PAK2: variants seen among roughly 807,000 people sequenced by gnomAD.
PAK2 encodes p21 (RAC1) activated kinase 2.
A neutral mutation model predicts 65.9 loss-of-function variants in PAK2; 21 were observed. The ratio of observed to expected loss-of-function variants is 0.32; its 90% CI spans 0.23 to 0.46. The LOEUF (loss-of-function observed/expected upper bound fraction) is 0.46, where lower values mean the gene tolerates loss of function less well. Among genes scored for constraint, PAK2 ranks in the 20% least tolerant of loss-of-function variants. The pLI, the probability that PAK2 is intolerant of heterozygous loss-of-function variation, is 1.00. For synonymous variants in PAK2, 204 were observed against 219.7 expected (o/e 0.93, Z 0.63); for missense variants, 324 against 642.6 (o/e 0.50, Z 5.36).
chr3:196,741,001 G>A (rs1422039109), intron 1 of PAK2, among the ~76,000 whole-genome samples: 1 of 152,084 alleles, frequency 6.6e-6, no homozygotes, highest in African/African-American at 2.4e-5. Context: ...ACTCTCCCTG[G>A]GCAGTGTGAG....
At chr3:196,807,262 CAG>C (rs1715616629) in intron 6 of PAK2, among the ~76,000 whole-genome samples, 1 of 152,152 alleles carries the variant, frequency 6.6e-6, no homozygotes, top group Non-Finnish European at 1.5e-5. Flanking sequence ...GCTCCTGGCA[CAG>C]CGGGCAGGCA....
chr3:196,792,641 A>G (rs1019556649), intron 2 of PAK2, among the ~76,000 whole-genome samples: 1 of 152,318 alleles, frequency 6.6e-6, no homozygotes, highest in African/African-American at 2.4e-5. Context: ...AAAGAAGAGC[A>G]TACGGTAACA....
At chr3:196,795,356 G>T (rs761154117) in intron 2 of PAK2, among the ~76,000 whole-genome samples, 1 of 151,852 alleles carries the variant, frequency 6.6e-6, no homozygotes, top group Non-Finnish European at 1.5e-5. Flanking sequence ...GTACTCCCAG[G>T]ACTTGGTAGG....
At chr3:196,776,881 A>G (rs1714553667) in intron 1 of PAK2, among the ~76,000 whole-genome samples, 1 of 152,194 alleles carries the variant, frequency 6.6e-6, no homozygotes, top group South Asian at 2.1e-4. Flanking sequence ...GTGTAATACC[A>G]AAGAAGAAAA....
chr3:196,776,017 G>A lies in PAK2; in HGVS notation c.-21-6609G>A, dbSNP rs1714523065. Among the ~76,000 whole-genome samples the A allele has an allele frequency of 1.3e-5, 2 of 152,204 alleles. 1 individual carries two copies. The highest frequency in any genetic ancestry group is 1.3e-4 in the Admixed American group (2 of 15,278). ...ACATCAAAGCATTTGGGGTATGTAG[G>A]TGAAGGGTAAAGATGGAGTACGCTT... On this transcript the variant is annotated intron_variant, in intron 1 of 14. Coordinates refer to ENST00000327134, the MANE Select transcript of PAK2 (RefSeq NM_002577.4).
intron 1 of PAK2, among the ~76,000 whole-genome samples, chr3:196,758,330 T>TA (rs1713833761): frequency 1.3e-5 from 2 of 152,246 alleles, no homozygotes; most frequent in Admixed American, 1.3e-4. Flanking sequence ...ACATTTAAGC[T>TA]AGTACTTGAA....
At chr3:196,740,589 C>G (rs1026297024) in intron 1 of PAK2, among the ~76,000 whole-genome samples, 4 of 152,186 alleles carry the variant, frequency 2.6e-5, no homozygotes, top group Non-Finnish European at 5.9e-5. Context: ...TGCTCGCTCT[C>G]TGTTCACCCG....
At chr3:196,815,470 C>T (rs1331595572) in intron 11 of PAK2, among the ~76,000 whole-genome samples, 9 of 143,162 alleles carry the variant, frequency 6.3e-5, no homozygotes, top group South Asian at 2.2e-4. Context: ...CCATCCTGGG[C>T]AACAGAGCAA....
rs566024990 is a variant in PAK2, at chr3:196,790,311, G to T, written c.187+7478G>T. 3.9e-5 allele frequency among the ~76,000 whole-genome samples: 6 copies of T among 152,296 alleles called. No individual in the cohort carries two copies. In the South Asian group the frequency reaches 1.2e-3, roughly 32 times the overall value. On this transcript the variant is annotated intron_variant, in intron 2 of 14. Transcript: ENST00000327134. ...ACCTTTTGTCAACATGTGACTCAGG[G>T]TCTCTGCCTCTTGGCTGAAGGTTGC...
intron 1 of PAK2, among the ~76,000 whole-genome samples, chr3:196,756,051 G>A (rs1347191164): frequency 6.6e-6 from 1 of 152,114 alleles, no homozygotes; most frequent in Non-Finnish European, 1.5e-5. Flanking sequence ...ACCGCACCCG[G>A]CCCCTTCCAA....
intron 1 of PAK2, among the ~76,000 whole-genome samples, chr3:196,746,039 G>C (rs71323745): frequency 1.3e-5 from 2 of 151,158 alleles, no homozygotes; most frequent in Non-Finnish European, 1.5e-5. Flanking sequence ...GTATTAGCCA[G>C]GATGGTCTCG....
intron 1 of PAK2, among the ~76,000 whole-genome samples, chr3:196,752,816 T>C (rs957222477): frequency 6.6e-6 from 1 of 151,266 alleles, no homozygotes; most frequent in Non-Finnish European, 1.5e-5. Context: ...GGTCTCAAAC[T>C]CCTGGCCTCA....
At chr3:196,749,996 T>TTC in intron 1 of PAK2, among the ~76,000 whole-genome samples, 1 of 151,494 alleles carries the variant, frequency 6.6e-6, no homozygotes, top group Non-Finnish European at 1.5e-5. Context: ...TTTCTTTTTT[T>TTC]TTTTTTTGAA....
At chr3:196,780,521 A>G (rs1714673744) in intron 1 of PAK2, among the ~76,000 whole-genome samples, 1 of 152,210 alleles carries the variant, frequency 6.6e-6, no homozygotes, top group South Asian at 2.1e-4. Context: ...AGCACAGGAA[A>G]GACTTGCCCT....
intron 3 of PAK2, 83 bp downstream of exon 3, chr3:196,802,110 C>G (rs933223420): frequency 1.2e-6 from 1 of 812,908 alleles, no homozygotes; most frequent in Non-Finnish European, 2.1e-6. Context: ...TTGAAATTAA[C>G]ATTTCAGGCC....
intron 1 of PAK2, among the ~76,000 whole-genome samples, chr3:196,779,761 C>G (rs927504008): frequency 1.3e-5 from 2 of 152,218 alleles, no homozygotes; most frequent in Non-Finnish European, 2.9e-5. Flanking sequence ...ACCTCTGCCT[C>G]CCGGGCTCAA....
At chr3:196,776,780 A>G (rs1452080162) in intron 1 of PAK2, among the ~76,000 whole-genome samples, 4 of 152,236 alleles carry the variant, frequency 2.6e-5, no homozygotes, top group Non-Finnish European at 5.9e-5. Flanking sequence ...AAAATTCAAG[A>G]GAGTCAATTG....
In PAK2 at chr3:196,755,900, C is replaced by T. The variant is rs1387081953; in HGVS notation, c.-22+15743C>T. 3.3e-5 allele frequency among the ~76,000 whole-genome samples: 5 copies of T among 152,074 alleles called. 1 individual carries two copies. The East Asian group carries it at 5.8e-4, about 18-fold the overall frequency. On this transcript the variant is annotated intron_variant, in intron 1 of 14. Coordinates refer to ENST00000327134, the MANE Select transcript of PAK2 (RefSeq NM_002577.4). ...CCTCCTTAGTAGCTGGGGTTACAGGCGAGCACCACCATGCCTGGCTAATCT... is the reference window on the plus strand; with the variant it reads ...CCTCCTTAGTAGCTGGGGTTACAGGTGAGCACCACCATGCCTGGCTAATCT...
intron 2 of PAK2, among the ~76,000 whole-genome samples, chr3:196,789,482 C>CTTTTTTTTTTTTTTTTTT (rs60083205): frequency 6.6e-6 from 1 of 150,460 alleles, no homozygotes; most frequent in African/African-American, 2.5e-5. Context: ...TTTCTTTTTT[C>CTTTTTTTTTTTTTTTTTT]TTTTTTGTTT....
Sources: allele counts gnomAD v4.1 joint callset (sites outside exome capture counted in the v4.1 genomes callset), GRCh38; gene constraint gnomAD v4.1.1; transcripts MANE v1.5; gene names NCBI Gene and HGNC (gene_info 2026-07-23, HGNC 2026-07-21).